Variants in COL4A2 observed in about 807,000 individuals in gnomAD.
COL4A2 encodes collagen alpha-2(IV) chain.
A neutral mutation model predicts 200.2 loss-of-function variants in COL4A2; 99 were observed. The ratio of observed to expected loss-of-function variants is 0.49; its 90% CI spans 0.42 to 0.58. The LOEUF is 0.58. Among genes scored for constraint, COL4A2 ranks in the 20% least tolerant of loss-of-function variants. The probability of loss-of-function intolerance (pLI) is 0.00; values close to 1 mark genes in which losing one functional copy is unlikely to be tolerated. For synonymous variants in COL4A2, 897 were observed against 900.6 expected, an observed-to-expected ratio of 1.00 and a Z score of 0.07; for missense variants, 1,950 against 2,314.1, an observed-to-expected ratio of 0.84 and a Z score of 3.23.
chr13:110,504,108 G>A, intron 44 of COL4A2, 40 bp from the exon 45 acceptor site: 1 of 1,600,908 alleles, frequency 6.2e-7, no homozygotes, highest in Non-Finnish European at 8.6e-7. Flanking sequence ...TGCCAGGCGT[G>A]GTCAGTTTCC....
intron 27 of COL4A2, chr13:110,468,081 CTG>C (rs1194479663): frequency 2.2e-6 from 1 of 455,340 alleles, no homozygotes; most frequent in Non-Finnish European, 4.6e-6. Flanking sequence ...CCGTGATAAA[CTG>C]TAGAGAGCGA....
chr13:110,501,843 C>A, intron 41 of COL4A2, 59 bp downstream of exon 41: 1 of 1,507,182 alleles, frequency 6.6e-7, no homozygotes, highest in Non-Finnish European at 9.2e-7. Context: ...CTGGCAATGG[C>A]CCGCTTAATG....
intron 34 of COL4A2, among the ~76,000 whole-genome samples, chr13:110,487,823 A>G (rs1262059961): frequency 6.6e-6 from 1 of 152,240 alleles, no homozygotes; most frequent in Non-Finnish European, 1.5e-5. Context: ...TGGGGTTGTC[A>G]TAGAGTGCTG....
intron 3 of COL4A2, 94 bp downstream of exon 3, chr13:110,308,217 G>T: frequency 7.1e-7 from 1 of 1,405,744 alleles, no homozygotes; most frequent in South Asian, 1.2e-5. Flanking sequence ...GTGCGCTCCC[G>T]AGTGTGTGTG....
chr13:110,316,362 C>T (rs1014465451), intron 3 of COL4A2, among the ~76,000 whole-genome samples: 3 of 152,160 alleles, frequency 2.0e-5, no homozygotes, highest in African/African-American at 7.2e-5. Flanking sequence ...GGTTTGTCCA[C>T]GAGAGAAAGG....
chr13:110,315,036 C>T (rs1013466428), intron 3 of COL4A2, among the ~76,000 whole-genome samples: 1 of 152,226 alleles, frequency 6.6e-6, no homozygotes, highest in African/African-American at 2.4e-5. Flanking sequence ...TTGCCTTGCA[C>T]AGTTGCCTGT....
At chr13:110,371,590 G>A (rs549414684) in intron 4 of COL4A2, among the ~76,000 whole-genome samples, 209 of 152,170 alleles carry the variant, frequency 1.4e-3, no homozygotes, top group Non-Finnish European at 1.6e-3. Context: ...AGAAGACACT[G>A]TTGCTTTTTA....
At chr13:110,335,568 T>C (rs182432909) in intron 3 of COL4A2, among the ~76,000 whole-genome samples, 73 of 152,268 alleles carry the variant, frequency 4.8e-4, no homozygotes, top group African/African-American at 1.6e-3. Flanking sequence ...CTTTATAAAT[T>C]ATCCAGTCTC....
chr13:110,403,161 GT>G (rs1279507015), intron 4 of COL4A2, among the ~76,000 whole-genome samples: 1 of 152,172 alleles, frequency 6.6e-6, no homozygotes, highest in Non-Finnish European at 1.5e-5. Flanking sequence ...TTTATCAAAT[GT>G]TTGCTTGGCT....
chr13:110,325,788 CTTT>C (rs111624101), intron 3 of COL4A2, among the ~76,000 whole-genome samples: 1 of 143,896 alleles, frequency 6.9e-6, no homozygotes, highest in African/African-American at 2.5e-5. Context: ...TCCTGAATTT[CTTT>C]TTTTTTTTTT....
intron 19 of COL4A2, 96 bp downstream of exon 19, chr13:110,449,885 GTCGT>G: frequency 7.4e-7 from 1 of 1,359,252 alleles, no homozygotes; most frequent in South Asian, 1.3e-5. Flanking sequence ...ACGTAGCTAT[GTCGT>G]TGTTACTTTT....
chr13:110,429,570 C>T (rs1880597265), intron 7 of COL4A2, among the ~76,000 whole-genome samples: 1 of 152,042 alleles, frequency 6.6e-6, no homozygotes, highest in Admixed American at 6.6e-5. Context: ...ATAGTATTAT[C>T]AGAAATAAAA....
intron 3 of COL4A2, among the ~76,000 whole-genome samples, chr13:110,321,778 A>T (rs541118698): frequency 6.6e-6 from 1 of 152,350 alleles, no homozygotes; most frequent in South Asian, 2.1e-4. Context: ...TCTTACATGG[A>T]TGGCAGCAGG....
chr13:110,379,023 C>A (rs1033468159), intron 4 of COL4A2, among the ~76,000 whole-genome samples: 1 of 152,176 alleles, frequency 6.6e-6, no homozygotes, highest in African/African-American at 2.4e-5. Context: ...TCTTGCCTGG[C>A]CCTGACCCAT....
intron 4 of COL4A2, among the ~76,000 whole-genome samples, chr13:110,388,588 G>A (rs1458486322): frequency 2.6e-5 from 4 of 152,150 alleles, no homozygotes; most frequent in Non-Finnish European, 4.4e-5. Flanking sequence ...CAATACTTGC[G>A]ACTTTAAATA....
chr13:110,335,758 G>C (rs1396552681), intron 3 of COL4A2, among the ~76,000 whole-genome samples: 5 of 152,136 alleles, frequency 3.3e-5, no homozygotes, highest in Non-Finnish European at 7.4e-5. Flanking sequence ...AACTGAAGAA[G>C]ATAAAATTCT....
At chr13:110,380,272 C>A (rs1297315589) in intron 4 of COL4A2, among the ~76,000 whole-genome samples, 1 of 152,070 alleles carries the variant, frequency 6.6e-6, no homozygotes, top group East Asian at 1.9e-4. Context: ...AGGGGAGGGT[C>A]GAACAGAGAA....
intron 47 of COL4A2, among the ~76,000 whole-genome samples, chr13:110,509,739 C>T (rs331592): frequency 0.11 from 16,949 of 152,212 alleles, 1,083 homozygotes; most frequent in Admixed American, 0.19. Context: ...CCTCTGCACA[C>T]GTAACTCTCT....
chr13:110,307,744 C>T lies in COL4A2; in HGVS notation c.-44-116C>T. Reference sequence around the variant, plus strand: ...CGTGGGGGGGACGGCCCTCCGGTCACCCCTGCATGCGGGCCGCGCACCGCG... The same window carrying T: ...CGTGGGGGGGACGGCCCTCCGGTCATCCCTGCATGCGGGCCGCGCACCGCG... On this transcript the variant is annotated intron_variant, in intron 1 of 47. Transcript: ENST00000360467. This position sits in a 1 kb window ranked among gnomAD's most constrained non-coding sequence, Gnocchi z 5.0. 1 of 973,616 alleles carries T rather than the reference C, an allele frequency of 1.0e-6. No homozygotes were observed. The highest frequency in any genetic ancestry group is 1.5e-6 in the Non-Finnish European group (1 of 670,734). The allele number at this position is 973,616 out of a possible 1,614,324, so 60.3% of individuals were successfully genotyped here. A position where few individuals can be genotyped will look rare whatever the true frequency, so the allele number is the denominator to read the frequency against.
Sources: allele counts gnomAD v4.1 joint callset (sites outside exome capture counted in the v4.1 genomes callset), GRCh38; gene constraint gnomAD v4.1.1; non-coding constraint Gnocchi (gnomAD v3.1); transcripts MANE v1.5; gene names NCBI Gene and HGNC (gene_info 2026-07-23, HGNC 2026-07-21).